SPAG16: variants seen among roughly 807,000 people sequenced by gnomAD.
The protein encoded by SPAG16 is sperm associated antigen 16.
In SPAG16, 86 loss-of-function variants were observed where a neutral mutation model predicts 80.4. The observed-to-expected ratio is 1.07, with a 90% CI of 0.90 to 1.28. The LOEUF is 1.28. SPAG16 is among the 50% of genes most tolerant of loss of function. The pLI, the probability that SPAG16 is intolerant of heterozygous loss-of-function variation, is 0.00. For synonymous variants in SPAG16, 294 were observed against 265.9 expected (o/e 1.11, Z -1.03); for missense variants, 870 against 765.3 (o/e 1.14, Z -1.61).
At chr2:214,264,641 A>T (rs1691421352) in intron 15 of SPAG16, among the ~76,000 whole-genome samples, 1 of 152,148 alleles carries the variant, frequency 6.6e-6, no homozygotes, top group African/African-American at 2.4e-5. Flanking sequence ...TATTAAATAA[A>T]GTCCATTAAG....
chr2:214,353,451 T>C (rs1454801721), intron 15 of SPAG16, among the ~76,000 whole-genome samples: 1 of 152,190 alleles, frequency 6.6e-6, no homozygotes, highest in Non-Finnish European at 1.5e-5. Flanking sequence ...GTTTAAATTA[T>C]AGAATGTTCT....
Position 213,544,443 on chromosome 2 carries a change from C to T in SPAG16, c.1070+54353C>T, listed in dbSNP as rs977335208. On this transcript the variant is annotated intron_variant, in intron 10 of 15. Transcript: ENST00000331683. ...TTTTCATATATCCCATACCCCCACA[C>T]GTACATAGCCTCCTTCTTATCAACA... 5.9e-5 allele frequency among the ~76,000 whole-genome samples: 9 copies of T among 152,136 alleles called. No individual in the cohort carries two copies. In the South Asian group the frequency reaches 6.2e-4, roughly 10 times the overall value.
chr2:213,528,129 C>T (rs2075952319), intron 10 of SPAG16, among the ~76,000 whole-genome samples: 1 of 151,982 alleles, frequency 6.6e-6, no homozygotes, highest in African/African-American at 2.4e-5. Context: ...CAGGACAAAC[C>T]TATGTTTTCA....
At chr2:214,018,684 A>G (rs1219155963) in intron 13 of SPAG16, among the ~76,000 whole-genome samples, 2 of 152,186 alleles carry the variant, frequency 1.3e-5, no homozygotes, top group African/African-American at 2.4e-5. Flanking sequence ...ACTTTCTTCT[A>G]TTAGTGAAGC....
chr2:214,226,838 T>G (rs2058708945), intron 15 of SPAG16, among the ~76,000 whole-genome samples: 1 of 152,110 alleles, frequency 6.6e-6, no homozygotes. Context: ...TAAATTGTAC[T>G]TGATTTCTTC....
At chr2:214,143,234 G>GTTTTTT (rs59910884) in intron 14 of SPAG16, among the ~76,000 whole-genome samples, 4 of 112,664 alleles carry the variant, frequency 3.6e-5, no homozygotes, top group Non-Finnish European at 5.4e-5. Context: ...ATAGTTTTGG[G>GTTTTTT]TTTTTTTTTT....
At chr2:214,260,869 G>A (rs112969832) in intron 15 of SPAG16, among the ~76,000 whole-genome samples, 2,408 of 152,080 alleles carry the variant, frequency 0.016, 38 homozygotes, top group African/African-American at 0.036. Context: ...CACTTTGGGA[G>A]GCTAAGGCAG....
chr2:213,391,052 G>A (rs571901763), intron 9 of SPAG16, among the ~76,000 whole-genome samples: 8 of 152,214 alleles, frequency 5.3e-5, no homozygotes, highest in Non-Finnish European at 7.4e-5. Flanking sequence ...GGTGGATCAC[G>A]AAATCAGGAG....
intron 10 of SPAG16, among the ~76,000 whole-genome samples, chr2:213,828,513 T>G (rs999733815): frequency 6.6e-6 from 1 of 152,204 alleles, no homozygotes; most frequent in Non-Finnish European, 1.5e-5. Flanking sequence ...TCTCTGGGAT[T>G]GTTCCATGGT....
intron 7 of SPAG16, among the ~76,000 whole-genome samples, chr2:213,357,339 T>G (rs2065716400): frequency 6.6e-6 from 1 of 152,184 alleles, no homozygotes; most frequent in Admixed American, 6.5e-5. Flanking sequence ...TTGATCTGTC[T>G]AATATTGACA....
At chr2:214,178,004 TATATATA>T in intron 15 of SPAG16, among the ~76,000 whole-genome samples, 3 of 57,382 alleles carry the variant, frequency 5.2e-5, no homozygotes, top group African/African-American at 1.1e-4. Context: ...TATATATATA[TATATATA>T]TTCATACTTT....
intron 13 of SPAG16, among the ~76,000 whole-genome samples, chr2:214,063,789 ACTTT>A (rs2050398717): frequency 6.6e-6 from 1 of 152,164 alleles, no homozygotes; most frequent in Admixed American, 6.5e-5. Context: ...ATGCCAGATT[ACTTT>A]ATTTAATGTA....
chr2:213,566,477 A>C (rs2059770702), intron 10 of SPAG16, among the ~76,000 whole-genome samples: 1 of 152,122 alleles, frequency 6.6e-6, no homozygotes, highest in African/African-American at 2.4e-5. Context: ...TTTGAGGAAA[A>C]AGGATCTTTT....
chr2:213,589,085 AG>A (rs1421133509), intron 10 of SPAG16, among the ~76,000 whole-genome samples: 1 of 152,176 alleles, frequency 6.6e-6, no homozygotes, highest in Non-Finnish European at 1.5e-5. Flanking sequence ...CAAAAAGTAT[AG>A]TAAACTGTTG....
chr2:214,249,408 A>G (rs570469788), intron 15 of SPAG16, among the ~76,000 whole-genome samples: 2 of 152,132 alleles, frequency 1.3e-5, no homozygotes, highest in African/African-American at 4.8e-5. Context: ...GAAGAAGGAG[A>G]AGGAAGAGGA....
chr2:214,132,140 A>G (rs1248109455), intron 14 of SPAG16, among the ~76,000 whole-genome samples: 1 of 152,200 alleles, frequency 6.6e-6, no homozygotes, highest in East Asian at 1.9e-4. Context: ...CAGTGGGTAT[A>G]TCGGGTATAA....
chr2:214,271,562 A>G (rs548199555), intron 15 of SPAG16, among the ~76,000 whole-genome samples: 11 of 152,324 alleles, frequency 7.2e-5, no homozygotes, highest in African/African-American at 2.6e-4. Flanking sequence ...GCACTTTGGG[A>G]GGCCAAGGCG....
At chr2:214,184,716 C>G (rs2057414808) in intron 15 of SPAG16, among the ~76,000 whole-genome samples, 1 of 152,092 alleles carries the variant, frequency 6.6e-6, no homozygotes, top group South Asian at 2.1e-4. Context: ...CAGCACATGG[C>G]TGACTGATCT....
At chr2:213,658,680 A>G (rs1270378308) in intron 10 of SPAG16, among the ~76,000 whole-genome samples, 3 of 152,334 alleles carry the variant, frequency 2.0e-5, no homozygotes, top group East Asian at 1.9e-4. Context: ...GCACTTAACC[A>G]TAACTGCCAG....
Sources: gnomAD v4.1 joint callset for allele counts (sites outside exome capture counted in the v4.1 genomes callset) on GRCh38, gnomAD v4.1.1 for gene constraint, MANE v1.5 for transcripts, NCBI Gene and HGNC (gene_info 2026-07-23, HGNC 2026-07-21) for gene names.